Variants in MSRA observed in about 807,000 individuals in gnomAD.
MSRA encodes the protein mitochondrial peptide methionine sulfoxide reductase.
MSRA carries 54 observed loss-of-function variants against 31.3 expected under a neutral mutation model. That is an observed-to-expected ratio of 1.73 (90% CI 1.39 to 2.17). The LOEUF (loss-of-function observed/expected upper bound fraction) is 2.17. MSRA is among the 30% of genes most tolerant of loss of function. The pLI is 0.00. For missense variants in MSRA, 507 were observed against 300.9 expected (o/e 1.69, Z -5.07); for synonymous variants, 169 against 116.5 (o/e 1.45, Z -2.90).
At chr8:10,393,129 A>G (rs557779321) in intron 5 of MSRA, among the ~76,000 whole-genome samples, 21 of 150,618 alleles carry the variant, frequency 1.4e-4, no homozygotes, top group Non-Finnish European at 2.8e-4. Flanking sequence ...GAAAAGAACC[A>G]CTTTGTCCAC....
At chr8:10,233,479 A>G (rs1055194893) in intron 2 of MSRA, among the ~76,000 whole-genome samples, 1 of 152,272 alleles carries the variant, frequency 6.6e-6, no homozygotes, top group Non-Finnish European at 1.5e-5. Context: ...AAGAAATAAT[A>G]AACTATGACA....
At chr8:10,337,628 G>C (rs777026111) in intron 5 of MSRA, 1 of 681,972 alleles carries the variant, frequency 1.5e-6, no homozygotes, top group Non-Finnish European at 2.7e-6. Context: ...CCTGATATTG[G>C]ATATTGTCAC....
At chr8:10,183,889 G>C (rs1047675308) in intron 1 of MSRA, among the ~76,000 whole-genome samples, 27 of 151,240 alleles carry the variant, frequency 1.8e-4, no homozygotes, top group Non-Finnish European at 3.4e-4. Flanking sequence ...GGTATAGGTG[G>C]TGTTGGTGGT....
Position 10,314,932 on chromosome 8 carries a change from C to T in MSRA, c.437-4951C>T, listed in dbSNP as rs1419568272. On this transcript the variant is annotated intron_variant, in intron 4 of 5. Coordinates refer to ENST00000317173, the MANE Select transcript of MSRA (RefSeq NM_012331.5). ...TCCCATGCTGCTAATAAAGACATAC[C>T]GGAGACTGGGTAATATATAAAGAAA... is the stretch of plus-strand genomic sequence containing the variant. Among the ~76,000 whole-genome samples, 7 of 152,036 alleles carry T rather than the reference C, an allele frequency of 4.6e-5. No homozygotes were observed. In the East Asian group the frequency reaches 5.8e-4, roughly 13 times the overall value.
intron 3 of MSRA, among the ~76,000 whole-genome samples, chr8:10,278,995 T>C (rs1039324344): frequency 6.6e-6 from 1 of 152,168 alleles, no homozygotes; most frequent in East Asian, 1.9e-4. Context: ...TACAGTAGAA[T>C]TGAAAAAAAA....
intron 5 of MSRA, among the ~76,000 whole-genome samples, chr8:10,372,728 G>A (rs1227379539): frequency 1.3e-5 from 2 of 152,210 alleles, no homozygotes; most frequent in African/African-American, 4.8e-5. Flanking sequence ...TAGAAGGTTG[G>A]AATGGTTAGG....
chr8:10,325,764 G>A (rs993356445), intron 5 of MSRA, among the ~76,000 whole-genome samples: 2 of 152,172 alleles, frequency 1.3e-5, no homozygotes, highest in African/African-American at 4.8e-5. Context: ...GAAAATTGCC[G>A]ATCTAACCAA....
intron 3 of MSRA, among the ~76,000 whole-genome samples, chr8:10,265,420 C>G (rs1166832920): frequency 6.6e-6 from 1 of 152,130 alleles, no homozygotes; most frequent in Non-Finnish European, 1.5e-5. Flanking sequence ...AAATAGTGAC[C>G]TATGCCTCTC....
At chr8:10,068,756 A>G (rs777617776) in intron 1 of MSRA, among the ~76,000 whole-genome samples, 1 of 152,106 alleles carries the variant, frequency 6.6e-6, no homozygotes, top group African/African-American at 2.4e-5. Flanking sequence ...TGAGTTAGCT[A>G]TTCTTTTTTT....
chr8:10,256,305 TTTCTTTTTAGCACTGAATAATA>T (rs1798175983), intron 3 of MSRA, among the ~76,000 whole-genome samples: 1 of 152,232 alleles, frequency 6.6e-6, no homozygotes, highest in East Asian at 1.9e-4. Context: ...TGGTAGGTCA[TTTCTTTTTAGCACTGAATAATA>T]TTCCATGGCC....
At chr8:10,231,494 T>C (rs1563247669) in intron 2 of MSRA, among the ~76,000 whole-genome samples, 1 of 152,210 alleles carries the variant, frequency 6.6e-6, no homozygotes, top group Non-Finnish European at 1.5e-5. Flanking sequence ...GAGTTGGAAA[T>C]GCCTGTCTTT....
At chr8:10,313,476 A>C (rs867821016) in intron 4 of MSRA, among the ~76,000 whole-genome samples, 2 of 152,078 alleles carry the variant, frequency 1.3e-5, no homozygotes, top group Non-Finnish European at 2.9e-5. Context: ...CTAAAAAAAA[A>C]AAAACAAAAA....
chr8:10,076,665 A>T (rs1037684392), intron 1 of MSRA, among the ~76,000 whole-genome samples: 1 of 152,108 alleles, frequency 6.6e-6, no homozygotes, highest in Non-Finnish European at 1.5e-5. Flanking sequence ...TGGCAGAAGA[A>T]AGAGTCAAGC....
intron 1 of MSRA, among the ~76,000 whole-genome samples, chr8:10,092,703 A>T (rs1331763829): frequency 1.3e-5 from 2 of 151,570 alleles, no homozygotes; most frequent in Non-Finnish European, 2.9e-5. Context: ...TGTTGGTACT[A>T]GTTGATTTAT....
chr8:10,200,142 G>A (rs1169195867), intron 1 of MSRA, among the ~76,000 whole-genome samples: 1 of 152,234 alleles, frequency 6.6e-6, no homozygotes, highest in Non-Finnish European at 1.5e-5. Context: ...TACCAGCCGG[G>A]AGGTGTATCT....
chr8:10,141,433 C>T (rs1290128927), intron 1 of MSRA, among the ~76,000 whole-genome samples: 1 of 152,176 alleles, frequency 6.6e-6, no homozygotes, highest in Non-Finnish European at 1.5e-5. Context: ...CTCCAATGCA[C>T]AAGACATACA....
chr8:10,184,458 T>C (rs1806842429), intron 1 of MSRA, among the ~76,000 whole-genome samples: 1 of 152,158 alleles, frequency 6.6e-6, no homozygotes, highest in African/African-American at 2.4e-5. Flanking sequence ...CTGGTGTTAT[T>C]CTCGGTGAAA....
chr8:10,170,482 T>C (rs1036772255), intron 1 of MSRA, among the ~76,000 whole-genome samples: 1 of 152,154 alleles, frequency 6.6e-6, no homozygotes, highest in Non-Finnish European at 1.5e-5. Context: ...GCCTCCAGAA[T>C]TGTGAGGAAT....
intron 1 of MSRA, among the ~76,000 whole-genome samples, chr8:10,127,017 T>C (rs1026705627): frequency 6.6e-5 from 10 of 152,184 alleles, no homozygotes; most frequent in African/African-American, 2.4e-4. Flanking sequence ...TAGCTAGGGG[T>C]TGGGGACCCC....
Sources: allele counts gnomAD v4.1 joint callset (sites outside exome capture counted in the v4.1 genomes callset), GRCh38; gene constraint gnomAD v4.1.1; transcripts MANE v1.5; gene names NCBI Gene and HGNC (gene_info 2026-07-23, HGNC 2026-07-21).